The following IGF1R variants were observed in gnomAD, a reference collection of about 807,000 sequenced individuals.
The protein encoded by IGF1R is insulin like growth factor 1 receptor, also known as insulin-like growth factor 1 receptor.
A neutral mutation model predicts 144.6 loss-of-function variants in IGF1R; 44 were observed. The ratio of observed to expected loss-of-function variants is 0.30; its 90% CI spans 0.24 to 0.39. The LOEUF is 0.39. Among genes scored for constraint, IGF1R ranks in the 10% least tolerant of loss-of-function variants. The probability of loss-of-function intolerance (pLI) is 1.00; values close to 1 mark genes in which losing one functional copy is unlikely to be tolerated. For missense variants in IGF1R, 1,355 were observed against 1,833.7 expected (o/e 0.74, Z 4.77); for synonymous variants, 795 against 722.8 (o/e 1.10, Z -1.60).
chr15:98,757,118 C>G (rs1366742230), intron 2 of IGF1R, among the ~76,000 whole-genome samples: 1 of 152,088 alleles, frequency 6.6e-6, no homozygotes, highest in Admixed American at 6.5e-5. Context: ...CTTCCAAATT[C>G]ATGTATGTTT....
In IGF1R at chr15:98,913,122, C is replaced by T. The variant is rs775291694; in HGVS notation, c.1668C>T (p.Leu556=). The change falls in exon 8 of 21, where the codon CTC becomes CTT. Residue 556 remains leucine (L), a synonymous_variant. Transcript: ENST00000650285. ...SNSWNMVDVD[L]PPNKDVEPGI... ...GCTGGAACATGGTGGACGTGGACCT[C>T]CCGCCCAACAAGGACGTGGAGCCCG... 1.2e-6 allele frequency: 2 copies of T among 1,614,242 alleles called. No homozygotes were observed. The highest frequency in any genetic ancestry group is 1.7e-6 in the Non-Finnish European group (2 of 1,180,042).
At chr15:98,691,702 G>A (rs1393415336) in intron 1 of IGF1R, among the ~76,000 whole-genome samples, 1 of 152,052 alleles carries the variant, frequency 6.6e-6, no homozygotes, top group East Asian at 1.9e-4. Flanking sequence ...ATGGGTTTTT[G>A]GGAGCAAGAC....
At chr15:98,843,054 G>T (rs2011202861) in intron 2 of IGF1R, among the ~76,000 whole-genome samples, 1 of 152,204 alleles carries the variant, frequency 6.6e-6, no homozygotes, top group Admixed American at 6.5e-5. Context: ...AAGTCAAACT[G>T]CTTCCTCTTG....
intron 2 of IGF1R, among the ~76,000 whole-genome samples, chr15:98,889,662 C>G (rs1468311975): frequency 6.6e-6 from 1 of 152,072 alleles, no homozygotes; most frequent in Non-Finnish European, 1.5e-5. Flanking sequence ...TATGTCCATG[C>G]ACATACATAA....
At chr15:98,785,263 A>G (rs138040383) in intron 2 of IGF1R, among the ~76,000 whole-genome samples, 1 of 152,238 alleles carries the variant, frequency 6.6e-6, no homozygotes, top group Non-Finnish European at 1.5e-5. Flanking sequence ...AATACACTGT[A>G]TATCTAGTTT....
chr15:98,879,715 T>G (rs2013270555), intron 2 of IGF1R, among the ~76,000 whole-genome samples: 2 of 152,202 alleles, frequency 1.3e-5, no homozygotes, highest in Admixed American at 1.3e-4. Context: ...ATTTTATCAC[T>G]GCACATTCAT....
chr15:98,715,778 C>A (rs528799823), intron 2 of IGF1R, among the ~76,000 whole-genome samples: 3 of 152,150 alleles, frequency 2.0e-5, no homozygotes, highest in Non-Finnish European at 4.4e-5. Flanking sequence ...GGTCTCTGAG[C>A]ACCATCCTGG....
At chr15:98,930,456 C>CTT in intron 15 of IGF1R, 151 bp downstream of exon 15, 12 of 477,694 alleles carry the variant, frequency 2.5e-5, no homozygotes, top group East Asian at 1.1e-4. Context: ...TTCTTTCTTT[C>CTT]TTTTTTTTTT....
intron 17 of IGF1R, among the ~76,000 whole-genome samples, chr15:98,936,632 T>C (rs544951633): frequency 6.6e-6 from 1 of 150,668 alleles, no homozygotes; most frequent in East Asian, 2.0e-4. Context: ...TTTTTTTTAA[T>C]GTTCTTTGAA....
intron 1 of IGF1R, among the ~76,000 whole-genome samples, chr15:98,691,808 G>A (rs1023014347): frequency 9.2e-5 from 14 of 152,140 alleles, no homozygotes. Flanking sequence ...GTGTATGCGT[G>A]GGGACATACA....
intron 5 of IGF1R, 129 bp downstream of exon 5, chr15:98,899,750 G>C (rs1486761243): frequency 1.1e-6 from 1 of 889,078 alleles, no homozygotes. Flanking sequence ...CCGCAGTATT[G>C]CCTGTGCTGC....
rs2017137399 is a variant in IGF1R, at chr15:98,959,395, C to A, written c.*1953C>A. ...CACCCCCCTCACCGGACCGACTGAC[C>A]TGTCTTTGGAACCAGAACATCCCAA... On this transcript the variant is annotated 3_prime_UTR_variant, in exon 21 of 21. Coordinates refer to ENST00000650285, the MANE Select transcript of IGF1R (RefSeq NM_000875.5). 1 of 233,828 alleles carries A rather than the reference C, an allele frequency of 4.3e-6. No homozygotes were observed. Among genetic ancestry groups the A allele is most frequent in the African/African-American group, 2.2e-5 (1 of 45,470 alleles). The allele number at this position is 233,828 out of a possible 1,614,324, so 14.5% of individuals were successfully genotyped here. A position where few individuals can be genotyped will look rare whatever the true frequency, so the allele number is the denominator to read the frequency against.
intron 18 of IGF1R, among the ~76,000 whole-genome samples, chr15:98,940,656 C>T (rs1315660001): frequency 1.3e-5 from 2 of 152,204 alleles, no homozygotes; most frequent in East Asian, 1.9e-4. Flanking sequence ...CCACGCACCT[C>T]GGCCTCCCAA....
intron 2 of IGF1R, among the ~76,000 whole-genome samples, chr15:98,855,412 C>T (rs765682286): frequency 6.6e-6 from 1 of 152,216 alleles, no homozygotes; most frequent in Non-Finnish European, 1.5e-5. Context: ...TCGTGCCTTG[C>T]AGGTACTTAG....
intron 1 of IGF1R, among the ~76,000 whole-genome samples, chr15:98,657,417 G>C (rs1389500072): frequency 6.6e-6 from 1 of 152,180 alleles, no homozygotes; most frequent in East Asian, 1.9e-4. Flanking sequence ...ATCCCTCTCA[G>C]TTGTGTCCAC....
At chr15:98,857,600 T>C (rs1194595466) in intron 2 of IGF1R, among the ~76,000 whole-genome samples, 2 of 152,224 alleles carry the variant, frequency 1.3e-5, no homozygotes, top group African/African-American at 4.8e-5. Flanking sequence ...AGTGGAAGTT[T>C]CCACCATGAT....
intron 13 of IGF1R, among the ~76,000 whole-genome samples, chr15:98,929,254 T>A (rs1300371046): frequency 6.6e-6 from 1 of 152,094 alleles, no homozygotes; most frequent in Non-Finnish European, 1.5e-5. Context: ...TCACTAACAG[T>A]CATTAAACTG....
At chr15:98,653,743 C>G (rs1239201623) in intron 1 of IGF1R, among the ~76,000 whole-genome samples, 1 of 152,234 alleles carries the variant, frequency 6.6e-6, no homozygotes, top group Non-Finnish European at 1.5e-5. Flanking sequence ...TGGTCTTTGT[C>G]TAAGGCTTAG....
chr15:98,854,206 T>G (rs1168314284), intron 2 of IGF1R, among the ~76,000 whole-genome samples: 1 of 152,146 alleles, frequency 6.6e-6, no homozygotes, highest in Non-Finnish European at 1.5e-5. Flanking sequence ...GACTCTCTTA[T>G]GAAGTTACAA....
Sources: allele counts gnomAD v4.1 joint callset (sites outside exome capture counted in the v4.1 genomes callset), GRCh38; gene constraint gnomAD v4.1.1; transcripts MANE v1.5; gene names NCBI Gene and HGNC (gene_info 2026-07-23, HGNC 2026-07-21).